The following ADGRL3 variants were observed in gnomAD, a reference collection of about 807,000 sequenced individuals.
ADGRL3 encodes adhesion G protein-coupled receptor L3.
ADGRL3 carries 62 observed loss-of-function variants against 153.5 expected under a neutral mutation model. The ratio of observed to expected loss-of-function variants is 0.40; its 90% CI spans 0.33 to 0.50. The LOEUF is 0.50. Ranked by LOEUF, ADGRL3 falls within the 20% of genes least tolerant of loss-of-function variation. ADGRL3 has a pLI of 0.47. For missense variants in ADGRL3, 1,641 were observed against 1,859.4 expected (o/e 0.88, Z 2.16); for synonymous variants, 710 against 672.5 (o/e 1.06, Z -0.86).
intron 13 of ADGRL3, among the ~76,000 whole-genome samples, chr4:61,917,529 G>A (rs1041799195): frequency 2.6e-5 from 4 of 152,248 alleles, no homozygotes; most frequent in East Asian, 1.9e-4. Context: ...GTTAAAGGAG[G>A]AACTGTCTGT....
intron 25 of ADGRL3, among the ~76,000 whole-genome samples, chr4:62,066,256 C>T (rs542099489): frequency 1.3e-5 from 2 of 152,088 alleles, no homozygotes; most frequent in African/African-American, 4.8e-5. Flanking sequence ...ATATAGGTGG[C>T]TCGGTATGTA....
intron 6 of ADGRL3, among the ~76,000 whole-genome samples, chr4:61,688,486 T>A (rs572795111): frequency 6.6e-6 from 1 of 152,238 alleles, no homozygotes; most frequent in African/African-American, 2.4e-5. Flanking sequence ...ATAATCAATT[T>A]ACAGAGTTTC....
intron 23 of ADGRL3, among the ~76,000 whole-genome samples, chr4:62,034,279 T>C (rs1043858873): frequency 2.6e-5 from 4 of 151,900 alleles, no homozygotes; most frequent in Admixed American, 2.6e-4. Flanking sequence ...AATAAGTATA[T>C]ACACCCTATC....
At chr4:61,817,874 C>A (rs1263741777) in intron 9 of ADGRL3, among the ~76,000 whole-genome samples, 2 of 152,064 alleles carry the variant, frequency 1.3e-5, no homozygotes, top group Non-Finnish European at 2.9e-5. Flanking sequence ...GAAACTGCCC[C>A]CATGATTCAA....
chr4:61,641,748 C>T (rs1006920689), intron 5 of ADGRL3, among the ~76,000 whole-genome samples: 3 of 151,450 alleles, frequency 2.0e-5, no homozygotes, highest in South Asian at 2.1e-4. Flanking sequence ...AATAAACATA[C>T]GTGTGCATGT....
intron 13 of ADGRL3, among the ~76,000 whole-genome samples, chr4:61,928,564 T>G (rs2098804268): frequency 6.6e-6 from 1 of 152,194 alleles, no homozygotes; most frequent in Non-Finnish European, 1.5e-5. Flanking sequence ...AATACGTATC[T>G]AATGAAATCT....
At chr4:61,951,639 G>T (rs1037517483) in intron 17 of ADGRL3, among the ~76,000 whole-genome samples, 11 of 152,150 alleles carry the variant, frequency 7.2e-5, no homozygotes, top group Non-Finnish European at 2.9e-5. Context: ...GCTGAGGTGG[G>T]TGGATCACTT....
At chr4:61,410,626 C>T (rs1172784396) in intron 2 of ADGRL3, among the ~76,000 whole-genome samples, 2 of 152,166 alleles carry the variant, frequency 1.3e-5, no homozygotes, top group Non-Finnish European at 2.9e-5. Flanking sequence ...AGTGGACCCA[C>T]CACCCCAACC....
At chr4:61,254,236 G>A (rs2091750359) in intron 1 of ADGRL3, among the ~76,000 whole-genome samples, 1 of 152,098 alleles carries the variant, frequency 6.6e-6, no homozygotes. Context: ...CCATCTTCTA[G>A]AATTGTGAGT....
intron 1 of ADGRL3, among the ~76,000 whole-genome samples, chr4:61,222,857 A>G (rs958438769): frequency 6.6e-6 from 1 of 152,172 alleles, no homozygotes. Context: ...AATTGTATAA[A>G]AGGAATTGTA....
chr4:61,515,575 C>T (rs1232975781), intron 3 of ADGRL3, among the ~76,000 whole-genome samples: 15 of 152,074 alleles, frequency 9.9e-5, no homozygotes. Context: ...AATGGGAACT[C>T]AATAAATATT....
At chr4:61,517,238 A>G (rs2098501948) in intron 3 of ADGRL3, 77 bp from the exon 4 acceptor site, 1 of 676,672 alleles carries the variant, frequency 1.5e-6, no homozygotes. Flanking sequence ...AGCCTTGGGA[A>G]TAGCCTCTAC....
At chr4:61,788,883 C>T (rs558123951) in intron 8 of ADGRL3, among the ~76,000 whole-genome samples, 62 of 152,140 alleles carry the variant, frequency 4.1e-4, no homozygotes, top group African/African-American at 1.4e-3. Flanking sequence ...AATTGATTTC[C>T]AATAATGTCA....
At chr4:61,490,003 C>T (rs1008030897) in intron 2 of ADGRL3, among the ~76,000 whole-genome samples, 3 of 151,924 alleles carry the variant, frequency 2.0e-5, no homozygotes, top group Non-Finnish European at 4.4e-5. Context: ...TTTCCTATTC[C>T]ACCCTAATAG....
chr4:61,533,813 T>C (rs2098638306), intron 4 of ADGRL3, among the ~76,000 whole-genome samples: 1 of 152,172 alleles, frequency 6.6e-6, no homozygotes, highest in African/African-American at 2.4e-5. Context: ...AATTTTAGCG[T>C]AAAAAATATG....
At chr4:61,546,606 T>A (rs1286389861) in intron 4 of ADGRL3, among the ~76,000 whole-genome samples, 2 of 152,190 alleles carry the variant, frequency 1.3e-5, no homozygotes, top group Non-Finnish European at 2.9e-5. Flanking sequence ...CAACTTCATG[T>A]TCAATGAAGT....
At chr4:61,803,350 C>T (rs1483257500) in intron 8 of ADGRL3, among the ~76,000 whole-genome samples, 1 of 152,004 alleles carries the variant, frequency 6.6e-6, no homozygotes, top group Non-Finnish European at 1.5e-5. Flanking sequence ...CAAGTGTTCT[C>T]CAGAATTTTA....
At chr4:61,430,884 G>A (rs947706816) in intron 2 of ADGRL3, among the ~76,000 whole-genome samples, 2 of 152,150 alleles carry the variant, frequency 1.3e-5, no homozygotes, top group Non-Finnish European at 2.9e-5. Flanking sequence ...GAGGTTTAGT[G>A]ATAACATTAT....
intron 1 of ADGRL3, among the ~76,000 whole-genome samples, chr4:61,286,552 A>T (rs1454347881): frequency 6.6e-6 from 1 of 151,738 alleles, no homozygotes; most frequent in African/African-American, 2.4e-5. Flanking sequence ...TCTGACTTTG[A>T]GATAGTACCT....
Sources: gnomAD v4.1 joint callset for allele counts (sites outside exome capture counted in the v4.1 genomes callset) on GRCh38, gnomAD v4.1.1 for gene constraint, MANE v1.5 for transcripts, NCBI Gene and HGNC (gene_info 2026-07-23, HGNC 2026-07-21) for gene names.